The following CARD6 variants were observed in gnomAD, a reference collection of about 807,000 sequenced individuals.
The protein encoded by CARD6 is caspase recruitment domain-containing protein 6.
Under a neutral mutation model 23.6 loss-of-function variants are expected in CARD6, and 27 were observed. The observed-to-expected ratio is 1.14, with a 90% confidence interval of 0.84 to 1.58. The LOEUF is 1.58. Among genes scored for constraint, CARD6 ranks in the 40% most tolerant of loss-of-function variants. The pLI is 0.00. For missense variants in CARD6, 1,214 were observed against 1,209.9 expected (o/e 1.00, Z -0.05); for synonymous variants, 397 against 431.8 (o/e 0.92, Z 1.00).
chr5:40,843,321 GA>G lies in CARD6; in HGVS notation c.457del (p.Thr153LeufsTer42). The G allele has an allele frequency of 6.2e-7, 1 of 1,614,094 alleles. No homozygotes were observed. Among genetic ancestry groups the G allele is most frequent in the East Asian group, 2.2e-5 (1 of 44,872 alleles). On this transcript the variant is annotated frameshift_variant, in exon 2 of 3. Transcript: ENST00000254691. LOFTEE classifies it high-confidence loss of function. ...LETSEFFRDK[K>X]TSYRETALSA... The stretch of plus-strand genomic sequence containing the variant: ...AAACCTCTGAGTTTTTCAGGGACAA[GA>G]AAACTAGTTATAGGGAAACAGCTTT...
Position 40,853,074 on chromosome 5 carries a change from T to G in CARD6, c.1742T>G (p.Phe581Cys). 1 of 1,614,126 alleles carries G rather than the reference T, an allele frequency of 6.2e-7. No homozygotes were observed. The highest frequency in any genetic ancestry group is 1.1e-5 in the South Asian group (1 of 91,084). ...GAGGCTGCCATTGAAAGATGCTACT[T>G]TGTTCTCAGTTCCCAAGCCAGGGAG... ...LGEAAIERCY[F>C]VLSSQARESE... Residue 581 changes from phenylalanine to cysteine, a missense_variant, in exon 3 of 3, where the codon TTT becomes TGT. Phe to Cys is a radical substitution (Grantham distance 205). Transcript: ENST00000254691.
Position 40,852,635 on chromosome 5 carries a change from T to A in CARD6, c.1303T>A (p.Phe435Ile). 1 of 1,614,144 alleles carries A rather than the reference T, an allele frequency of 6.2e-7. No individual in the cohort carries two copies. The highest frequency in any genetic ancestry group is 1.3e-5 in the African/African-American group (1 of 75,022). ...KDIVKKQSTQ[F>I]SGGPTEDTEK... ...CATTGTGAAGAAGCAGTCAACACAG[T>A]TTTCAGGGGGGCCTACAGAGGATAC... Residue 435 changes from phenylalanine (F) to isoleucine (I), a missense_variant, in exon 3 of 3, where the codon TTT becomes ATT. Physicochemically the swap from Phe to Ile is conservative, Grantham distance 21. Coordinates refer to ENST00000254691, the MANE Select transcript of CARD6 (RefSeq NM_032587.4).
rs764406316 is a variant in CARD6 at position 40,843,299 on chromosome 5, C to A, written c.431C>A (p.Thr144Asn). 2 of 1,614,122 alleles carry A rather than the reference C, an allele frequency of 1.2e-6. No homozygotes were observed. Among genetic ancestry groups the A allele is most frequent in the Admixed American group, 3.3e-5 (2 of 60,012 alleles). ...GAGAAGGAACACTTGGATTTGGAAA[C>A]CTCTGAGTTTTTCAGGGACAAGAAA... ...FSEKEHLDLE[T>N]SEFFRDKKTS... The change falls in exon 2 of 3, where the codon ACC (threonine) becomes AAC (asparagine). Residue 144 changes from threonine to asparagine, a missense_variant. By Grantham distance (65) the Thr-to-Asn change is moderately conservative (BLOSUM62 0). Coordinates refer to ENST00000254691, the MANE Select transcript of CARD6 (RefSeq NM_032587.4).
chr5:40,854,198 C>T lies in CARD6; in HGVS notation c.2866C>T (p.Gln956Ter), dbSNP rs1746145569. The change falls in exon 3 of 3, where the codon CAG (glutamine) becomes TAG (stop). Residue 956 changes from glutamine (Q) to a stop codon, truncating the protein, a stop_gained. Coordinates refer to ENST00000254691, the MANE Select transcript of CARD6 (RefSeq NM_032587.4). LOFTEE classifies it low-confidence loss of function (END_TRUNC). Reference protein sequence around the residue: ...QSNPSTVKHSQPKPFHSVPSQ... With the variant: ...QSNPSTVKHS ...CAACCCATCCACAGTCAAACACTCC[C>T]AGCCTAAACCCTTCCATTCTGTGCC... is the stretch of plus-strand genomic sequence containing the variant. The T allele has an allele frequency of 1.2e-6, 2 of 1,614,050 alleles. No homozygotes were observed. Among genetic ancestry groups the T allele is most frequent in the Admixed American group, 1.7e-5 (1 of 59,992 alleles).
At chr5:40,846,381 AGAGAAGTAGTGAAGGCCTTTTGAG>A (rs1173015938) in intron 2 of CARD6, among the ~76,000 whole-genome samples, 3 of 152,138 alleles carry the variant, frequency 2.0e-5, no homozygotes, top group African/African-American at 7.2e-5. Flanking sequence ...GGGGGGAGAC[AGAGAAGTAGTGAAGGCCTTTTGAG>A]TCTTAGCTTT....
At position 40,852,656 on chromosome 5, in the gene CARD6, G is replaced by A; in HGVS notation, c.1324G>A (p.Asp442Asn). 1 of 1,614,162 alleles carries A rather than the reference G, an allele frequency of 6.2e-7. No homozygotes were observed. Among genetic ancestry groups the A allele is most frequent in the Non-Finnish European group, 8.5e-7 (1 of 1,180,036 alleles). Residue 442 changes from aspartate to asparagine, a missense_variant, in exon 3 of 3, where the codon GAT (aspartate) becomes AAT (asparagine). Asp to Asn is a conservative substitution (Grantham distance 23). Transcript: ENST00000254691. ...STQFSGGPTE[D>N]TEKFLTLMKM... ...ACAGTTTTCAGGGGGGCCTACAGAGGATACAGAAAAGTTTCTGACTCTCAT... is the reference window on the plus strand; with the variant it reads ...ACAGTTTTCAGGGGGGCCTACAGAGAATACAGAAAAGTTTCTGACTCTCAT...
intron 2 of CARD6, among the ~76,000 whole-genome samples, chr5:40,844,464 C>G (rs1745933800): frequency 6.6e-6 from 1 of 152,122 alleles, no homozygotes; most frequent in Admixed American, 6.5e-5. Context: ...CTCCTGGGCT[C>G]AAGTGATCTG....
At position 40,841,410 on chromosome 5, in the gene CARD6, A is replaced by G. The variant is rs34539085; in HGVS notation, c.28A>G (p.Ile10Val). MATESTPSE[I>V]IERERKKLLE... ...GGCTACCGAGAGTACTCCCTCAGAG[A>G]TCATAGAAAGAGAAAGAAAAAAGTT... The change falls in exon 1 of 3, where the codon ATC becomes GTC. Residue 10 changes from isoleucine (I) to valine (V), a missense_variant. Transcript: ENST00000254691. 1,634 of 1,611,732 alleles carry G rather than the reference A, an allele frequency of 1.0e-3. 17 individuals carry two copies. In the African/African-American group the frequency reaches 0.019, roughly 18 times the overall value.
rs1415514272 is a variant in CARD6 at position 40,841,643 on chromosome 5, T to A, written c.261T>A (p.Ala87=). The part of the protein sequence containing the change: ...KCLFSTFPQS[A]AICGLRHEVL... ...TATTTAGTACTTTTCCACAGTCAGCTGCCATTTGCGGCTTAAGGCATGGTA... is the reference window on the plus strand; with the variant it reads ...TATTTAGTACTTTTCCACAGTCAGCAGCCATTTGCGGCTTAAGGCATGGTA... Residue 87 remains alanine (A), a synonymous_variant, in exon 1 of 3, where the codon GCT becomes GCA. Transcript: ENST00000254691. The A allele has an allele frequency of 6.2e-7, 1 of 1,613,826 alleles. No homozygotes were observed. Among genetic ancestry groups the A allele is most frequent in the African/African-American group, 1.3e-5 (1 of 75,014 alleles).
At chr5:40,844,185 C>T (rs1414126797) in intron 2 of CARD6, among the ~76,000 whole-genome samples, 1 of 152,176 alleles carries the variant, frequency 6.6e-6, no homozygotes, top group Non-Finnish European at 1.5e-5. Context: ...ATCCAGTCCA[C>T]ATAATGCCAT....
Position 40,854,108 on chromosome 5 carries a change from A to T in CARD6, c.2776A>T (p.Asn926Tyr), listed in dbSNP as rs368297590. 3.8e-5 allele frequency: 61 copies of T among 1,614,066 alleles called. No individual in the cohort carries two copies. Among genetic ancestry groups the T allele is most frequent in the Non-Finnish European group, 5.1e-5 (60 of 1,180,050 alleles). The change falls in exon 3 of 3, where the codon AAT (asparagine) becomes TAT (tyrosine). Residue 926 changes from asparagine to tyrosine, a missense_variant. Physicochemically the swap from Asn to Tyr is moderately radical, Grantham distance 143. Transcript: ENST00000254691. ...GATGAAGACACAAGGTGGGGCTTCAAATCCAGCTCTCCAAATAGGGTCCCA... is the reference window on the plus strand; with the variant it reads ...GATGAAGACACAAGGTGGGGCTTCATATCCAGCTCTCCAAATAGGGTCCCA... ...VQMKTQGGAS[N>Y]PALQIGSHPM...
rs368000136 is a variant in CARD6, at chr5:40,844,310, C to T, written c.841+601C>T. Reference sequence around the variant, plus strand: ...GTGCAGTGGCACAATCATGACTCACCGCAGCCTCTACCTCCCAGGCTCGGG... The same window carrying T: ...GTGCAGTGGCACAATCATGACTCACTGCAGCCTCTACCTCCCAGGCTCGGG... On this transcript the variant is annotated intron_variant, in intron 2 of 2. Coordinates refer to ENST00000254691, the MANE Select transcript of CARD6 (RefSeq NM_032587.4). 8.4e-4 allele frequency among the ~76,000 whole-genome samples: 128 copies of T among 152,198 alleles called. 1 individual carries two copies. Among genetic ancestry groups the T allele is most frequent in the African/African-American group, 2.8e-3 (116 of 41,516 alleles).
chr5:40,848,064 C>T (rs1246310077), intron 2 of CARD6, among the ~76,000 whole-genome samples: 1 of 151,958 alleles, frequency 6.6e-6, no homozygotes, highest in African/African-American at 2.4e-5. Flanking sequence ...CTGTCATCTC[C>T]AATTTGTTGT....
Position 40,853,790 on chromosome 5 carries a change from A to G in CARD6, c.2458A>G (p.Arg820Gly), listed in dbSNP as rs1285829040. Residue 820 changes from arginine (R) to glycine (G), a missense_variant, in exon 3 of 3, where the codon AGA (arginine) becomes GGA (glycine). Transcript: ENST00000254691. ...GAATGGAACATTTGGGAGACTGCCA[A>G]GACCCATTTGTCAGCATGTACAGGC... ...HSNGTFGRLP[R>G]PICQHVQACP... is the part of the protein sequence containing the mutation. 1 of 1,614,236 alleles carries G rather than the reference A, an allele frequency of 6.2e-7. No homozygotes were observed. Among genetic ancestry groups the G allele is most frequent in the East Asian group, 2.2e-5 (1 of 44,882 alleles).
Position 40,852,365 on chromosome 5 carries a change from C to T in CARD6, c.1033C>T (p.Leu345Phe). 1.9e-6 allele frequency: 3 copies of T among 1,614,078 alleles called. No individual in the cohort carries two copies. The highest frequency in any genetic ancestry group is 2.5e-6 in the Non-Finnish European group (3 of 1,179,992). ...ARDVTARDSILSHKVLDEDSK... is the reference protein window; with the variant it reads ...ARDVTARDSIFSHKVLDEDSK... ...AGATGTGACGGCTAGGGATTCAATC[C>T]TCAGTCACAAGGTTCTGGATGAAGA... Residue 345 changes from leucine to phenylalanine, a missense_variant, in exon 3 of 3, where the codon CTC becomes TTC. Physicochemically the swap from Leu to Phe is conservative, Grantham distance 22 (BLOSUM62 0). Transcript: ENST00000254691.
Position 40,852,309 on chromosome 5 carries a change from C to G in CARD6, c.977C>G (p.Ala326Gly). The G allele has an allele frequency of 1.9e-6, 3 of 1,614,050 alleles. No individual in the cohort carries two copies. Among genetic ancestry groups the G allele is most frequent in the Non-Finnish European group, 2.5e-6 (3 of 1,179,996 alleles). The change falls in exon 3 of 3, where the codon GCC becomes GGC. Residue 326 changes from alanine (A) to glycine (G), a missense_variant. By Grantham distance (60) the Ala-to-Gly change is moderately conservative. Coordinates refer to ENST00000254691, the MANE Select transcript of CARD6 (RefSeq NM_032587.4). ...ACCCCTGAGAGTCCAGGAGACTTAG[C>G]CTGGAATTTCCTGATGAAAGTTCAA... ...KWTPESPGDL[A>G]WNFLMKVQAR...
In CARD6 at chr5:40,854,144, A is replaced by G; in HGVS notation, c.2812A>G (p.Lys938Glu). Residue 938 changes from lysine (K) to glutamate (E), a missense_variant, in exon 3 of 3, where the codon AAG becomes GAG. Transcript: ENST00000254691. ...CCAAATAGGGTCCCATCCCATGTGC[A>G]AGAGCTCTCAGTTCAAATCCGATCA... ...ALQIGSHPMCKSSQFKSDQSN... is the reference protein window; with the variant it reads ...ALQIGSHPMCESSQFKSDQSN... 6.2e-7 allele frequency: 1 copy of G among 1,614,160 alleles called. No homozygotes were observed. The highest frequency in any genetic ancestry group is 1.1e-5 in the South Asian group (1 of 91,084).
chr5:40,844,069 T>C (rs562719508), intron 2 of CARD6, among the ~76,000 whole-genome samples: 14 of 152,312 alleles, frequency 9.2e-5, no homozygotes, highest in African/African-American at 3.4e-4. Flanking sequence ...ACTTTAGTTA[T>C]TTTAGTGCCT....
chr5:40,852,992 T>A lies in CARD6; in HGVS notation c.1660T>A (p.Phe554Ile). ...TTTGATGGAAGTTTCTTCAGCTGTG[T>A]TTTTTTTCACTGACTGTTTAGGTGA... ...GFLMEVSSAV[F>I]FFTDCLGEKE... The change falls in exon 3 of 3, where the codon TTT (phenylalanine) becomes ATT (isoleucine). Residue 554 changes from phenylalanine (F) to isoleucine (I), a missense_variant. Phe to Ile is a conservative substitution (Grantham distance 21). Transcript: ENST00000254691. 1.2e-6 allele frequency: 2 copies of A among 1,613,846 alleles called. No individual in the cohort carries two copies. The highest frequency in any genetic ancestry group is 1.7e-6 in the Non-Finnish European group (2 of 1,179,884).
Sources: gnomAD v4.1 joint callset for allele counts (sites outside exome capture counted in the v4.1 genomes callset) on GRCh38, gnomAD v4.1.1 for gene constraint, MANE v1.5 for transcripts, NCBI Gene and HGNC (gene_info 2026-07-23, HGNC 2026-07-21) for gene names.